Variants in SMKR1 observed in about 807,000 individuals in gnomAD.
The protein encoded by SMKR1 is small lysine rich protein 1.
Under a neutral mutation model 4.0 loss-of-function variants are expected in SMKR1, and 4 were observed. The ratio of observed to expected loss-of-function variants is 1.00; its 90% CI spans 0.49 to 2.30. SMKR1 has a LOEUF of 2.30. SMKR1 is among the 30% of genes most tolerant of loss of function. SMKR1 has a pLI of 0.02. For synonymous variants in SMKR1, 38 were observed against 32.5 expected, an observed-to-expected ratio of 1.17 and a Z score of -0.58; for missense variants, 56 against 81.8, an observed-to-expected ratio of 0.68 and a Z score of 1.22.
At chr7:129,505,901 C>G (rs908726611) in intron 1 of SMKR1, among the ~76,000 whole-genome samples, 5 of 152,088 alleles carry the variant, frequency 3.3e-5, no homozygotes, top group Non-Finnish European at 2.9e-5. Flanking sequence ...GGGAGAAGCT[C>G]GGAGTGTTGG....
chr7:129,511,423 T>C (rs547680963), intron 1 of SMKR1, among the ~76,000 whole-genome samples: 2 of 152,218 alleles, frequency 1.3e-5, no homozygotes, highest in African/African-American at 4.8e-5. Flanking sequence ...TTTCATTTCA[T>C]CCCTACAGAT....
At chr7:129,503,005 A>G (rs1333179631) in intron 1 of SMKR1, among the ~76,000 whole-genome samples, 178 bp downstream of exon 1, 1 of 149,628 alleles carries the variant, frequency 6.7e-6, no homozygotes, top group Non-Finnish European at 1.5e-5. Flanking sequence ...GGGGCGCAGC[A>G]GCCGCGGAGT....
intron 1 of SMKR1, among the ~76,000 whole-genome samples, chr7:129,511,122 C>T (rs1167373672): frequency 6.6e-6 from 1 of 152,154 alleles, no homozygotes; most frequent in East Asian, 1.9e-4. Context: ...TGCTAAGTAT[C>T]TTATATTTGT....
intron 1 of SMKR1, among the ~76,000 whole-genome samples, chr7:129,505,929 A>C (rs1456679840): frequency 6.6e-5 from 10 of 152,204 alleles, no homozygotes; most frequent in Admixed American, 6.5e-4. Flanking sequence ...AAGAAAGTCC[A>C]GTGTGGCTGG....
intron 1 of SMKR1, 139 bp from the exon 2 acceptor site, chr7:129,512,108 C>T (rs1485438333): frequency 1.1e-5 from 9 of 790,182 alleles, no homozygotes; most frequent in East Asian, 6.0e-5. Flanking sequence ...CACTTGAGCA[C>T]GGGAGGTGGA....
At chr7:129,507,644 T>A (rs11771549) in intron 1 of SMKR1, among the ~76,000 whole-genome samples, 1 of 151,994 alleles carries the variant, frequency 6.6e-6, no homozygotes, top group South Asian at 2.1e-4. Context: ...TCCATCAGAG[T>A]TGTATGAGAG....
chr7:129,507,561 T>C (rs1799482658), intron 1 of SMKR1, among the ~76,000 whole-genome samples: 3 of 152,248 alleles, frequency 2.0e-5, no homozygotes, highest in Non-Finnish European at 4.4e-5. Flanking sequence ...GACTGGGTCA[T>C]ATGGTAGACA....
chr7:129,508,055 C>T (rs933069986), intron 1 of SMKR1, among the ~76,000 whole-genome samples: 1 of 152,156 alleles, frequency 6.6e-6, no homozygotes, highest in Admixed American at 6.5e-5. Context: ...CTTTTAATGT[C>T]ATATCCAAGA....
intron 1 of SMKR1, among the ~76,000 whole-genome samples, chr7:129,508,724 G>A (rs538854120): frequency 8.5e-5 from 13 of 152,266 alleles, no homozygotes; most frequent in Non-Finnish European, 1.0e-4. Context: ...GATTACAGGC[G>A]TGAGCCATTG....
chr7:129,504,610 T>C (rs1799446433), intron 1 of SMKR1, among the ~76,000 whole-genome samples: 1 of 152,044 alleles, frequency 6.6e-6, no homozygotes, highest in African/African-American at 2.4e-5. Context: ...TGGAGTGCGA[T>C]GGCATCATAC....
In SMKR1 at chr7:129,508,207, AT is replaced by A. The variant is rs754089964; in HGVS notation, c.4-4033del. On this transcript the variant is annotated intron_variant, in intron 1 of 1. Transcript: ENST00000462322. Reference sequence around the variant, plus strand: ...ATGGTGAGACTATGGGTTGAGGTTCATTTTTTTGTAAATGGATATTCATTAT... The same window carrying A: ...ATGGTGAGACTATGGGTTGAGGTTCATTTTTTGTAAATGGATATTCATTAT... Among the ~76,000 whole-genome samples, 7 of 152,186 alleles carry A rather than the reference AT, an allele frequency of 4.6e-5. No homozygotes were observed. In the East Asian group the frequency reaches 7.7e-4, roughly 17 times the overall value.
chr7:129,504,743 C>G (rs946314282), intron 1 of SMKR1, among the ~76,000 whole-genome samples: 1 of 152,000 alleles, frequency 6.6e-6, no homozygotes, highest in Non-Finnish European at 1.5e-5. Context: ...TTGTAGAGAC[C>G]GGATTTTGCC....
intron 1 of SMKR1, among the ~76,000 whole-genome samples, chr7:129,509,818 C>T (rs146755113): frequency 4.6e-5 from 7 of 152,308 alleles, no homozygotes; most frequent in South Asian, 2.1e-4. Context: ...GGATTACAGG[C>T]GTGAGCCAGC....
At chr7:129,502,944 C>A in intron 1 of SMKR1, 117 bp downstream of exon 1, 1 of 1,417,278 alleles carries the variant, frequency 7.1e-7, no homozygotes, top group South Asian at 1.3e-5. Flanking sequence ...GACCTCAACG[C>A]GTGGCGAAAA....
At chr7:129,503,295 CACTT>C (rs1277910265) in intron 1 of SMKR1, among the ~76,000 whole-genome samples, 1 of 148,492 alleles carries the variant, frequency 6.7e-6, no homozygotes. Flanking sequence ...CTCATCCAGT[CACTT>C]ACGACCTCCT....
intron 1 of SMKR1, among the ~76,000 whole-genome samples, chr7:129,508,575 G>A (rs567294887): frequency 7.2e-5 from 11 of 152,144 alleles, no homozygotes; most frequent in Admixed American, 2.0e-4. Context: ...CCGAGTAGCT[G>A]GAATTACTGG....
chr7:129,512,525 AGACTTTACTCCAGACGACTT>A lies in SMKR1; in HGVS notation c.*87_*106del. 1 of 1,335,798 alleles carries A rather than the reference AGACTTTACTCCAGACGACTT, an allele frequency of 7.5e-7. No individual in the cohort carries two copies. Among genetic ancestry groups the A allele is most frequent in the South Asian group, 1.6e-5 (1 of 64,358 alleles). 82.7% of individuals were successfully genotyped at this position (1,335,798 alleles called of 1,614,324 possible). ...ATAACACAACTGTTGCCAGCAACAT[AGACTTTACTCCAGACGACTT>A]GAGATGCAAATTAAGTGTGCTTTTC... On this transcript the variant is annotated 3_prime_UTR_variant, in exon 2 of 2. Coordinates refer to ENST00000462322, the MANE Select transcript of SMKR1 (RefSeq NM_001195243.2).
chr7:129,505,483 C>CT (rs879607372), intron 1 of SMKR1, among the ~76,000 whole-genome samples: 309 of 145,034 alleles, frequency 2.1e-3, no homozygotes, highest in African/African-American at 4.2e-3. Context: ...CTCTTTTTCT[C>CT]TTTTTTTTTT....
intron 1 of SMKR1, among the ~76,000 whole-genome samples, chr7:129,506,685 T>TG (rs773069721): frequency 1.8e-3 from 147 of 79,464 alleles, no homozygotes; most frequent in Non-Finnish European, 3.3e-3. Context: ...TCATACATTA[T>TG]GTTTTTTTTT....
Sources: gnomAD v4.1 joint callset for allele counts (sites outside exome capture counted in the v4.1 genomes callset) on GRCh38, gnomAD v4.1.1 for gene constraint, MANE v1.5 for transcripts, NCBI Gene and HGNC (gene_info 2026-07-23, HGNC 2026-07-21) for gene names.